The following NAALADL2 variants were observed in gnomAD, a reference collection of about 807,000 sequenced individuals.
NAALADL2 encodes the protein N-acetylated alpha-linked acidic dipeptidase like 2, also known as inactive N-acetylated-alpha-linked acidic dipeptidase-like protein 2.
In NAALADL2, 76 loss-of-function variants were observed where a neutral mutation model predicts 87.2. That is an observed-to-expected ratio of 0.87 (90% CI 0.72 to 1.05). The LOEUF is 1.05. NAALADL2 is among the 50% of genes least tolerant of loss of function. The pLI is 0.00. For synonymous variants in NAALADL2, 354 were observed against 331.0 expected (o/e 1.07, Z -0.75); for missense variants, 1,089 against 945.8 (o/e 1.15, Z -1.99).
At chr3:174,621,539 G>A (rs1381341866) in intron 2 of NAALADL2, among the ~76,000 whole-genome samples, 1 of 151,932 alleles carries the variant, frequency 6.6e-6, no homozygotes, top group African/African-American at 2.4e-5. Context: ...TGACCCTTGA[G>A]GTCTATATAT....
At chr3:174,789,827 T>C (rs1717248782) in intron 3 of NAALADL2, among the ~76,000 whole-genome samples, 1 of 152,134 alleles carries the variant, frequency 6.6e-6, no homozygotes, top group Admixed American at 6.5e-5. Flanking sequence ...AAAGAGAGCA[T>C]GTAAGTTGAA....
intron 1 of NAALADL2, among the ~76,000 whole-genome samples, chr3:175,095,141 T>C (rs1440844597): frequency 6.6e-6 from 1 of 152,056 alleles, no homozygotes; most frequent in African/African-American, 2.4e-5. Flanking sequence ...GTTTTTCAAA[T>C]GGGGCATTCT....
At position 175,343,666 on chromosome 3, in the gene NAALADL2, T is replaced by G. The variant is rs867486899; in HGVS notation, c.1090+19341T>G. On this transcript the variant is annotated intron_variant, in intron 5 of 13. Transcript: ENST00000454872. ...TGTGTCTTGATCATGTTTTTTTTTT[T>G]TTTTTTTTTTCCCTTCCCACTGATC... Among the ~76,000 whole-genome samples the G allele has an allele frequency of 3.5e-5, 5 of 144,052 alleles. 1 individual carries two copies. The highest frequency in any genetic ancestry group is 1.4e-4 in the Admixed American group (2 of 14,050). The allele number at this position is 144,052 out of a possible 152,430, so 94.5% of individuals were successfully genotyped here.
chr3:175,315,820 G>A (rs187185838), intron 4 of NAALADL2, among the ~76,000 whole-genome samples: 3 of 152,084 alleles, frequency 2.0e-5, no homozygotes, highest in African/African-American at 4.8e-5. Flanking sequence ...AAATTAAAAT[G>A]TTCTTACTAT....
chr3:175,697,764 TATAC>T lies in NAALADL2; in HGVS notation c.1897-39538_1897-39535del, dbSNP rs1038224768. Among the ~76,000 whole-genome samples the T allele has an allele frequency of 2.6e-3, 376 of 146,824 alleles. 1 individual carries two copies. The highest frequency in any genetic ancestry group is 9.1e-3 in the African/African-American group (364 of 40,128). Reference sequence around the variant, plus strand: ...ACATACACACACATGTAAATGTATGTATACATATATACATATATATGTGTGTGTA... The same window carrying T: ...ACATACACACACATGTAAATGTATGTATATATACATATATATGTGTGTGTA... On this transcript the variant is annotated intron_variant, in intron 11 of 13. Coordinates refer to ENST00000454872, the MANE Select transcript of NAALADL2 (RefSeq NM_207015.3).
chr3:174,852,250 G>A (rs771709806), intron 3 of NAALADL2, among the ~76,000 whole-genome samples: 1 of 152,076 alleles, frequency 6.6e-6, no homozygotes, highest in Non-Finnish European at 1.5e-5. Context: ...AGAAATAAAG[G>A]CATCCGAATT....
chr3:174,674,670 A>T (rs1726878558), intron 2 of NAALADL2, among the ~76,000 whole-genome samples: 1 of 152,034 alleles, frequency 6.6e-6, no homozygotes, highest in Admixed American at 6.6e-5. Context: ...AGAAGAGGCA[A>T]ATTATTGAAG....
At position 175,547,611 on chromosome 3, in the gene NAALADL2, C is replaced by T. The variant is rs185064712; in HGVS notation, c.1654-28430C>T. Among the ~76,000 whole-genome samples, 15 of 151,996 alleles carry T rather than the reference C, an allele frequency of 9.9e-5. No homozygotes were observed. The South Asian group carries it at 1.0e-3, about 11-fold the overall frequency. ...GCACCGCAAAATAAACTATCATCAGCGTGAATAGACAACCTGAAGAATGGG... is the reference window on the plus strand; with the variant it reads ...GCACCGCAAAATAAACTATCATCAGTGTGAATAGACAACCTGAAGAATGGG... On this transcript the variant is annotated intron_variant, in intron 9 of 13. Transcript: ENST00000454872.
At chr3:175,462,329 A>G (rs999078800) in intron 6 of NAALADL2, among the ~76,000 whole-genome samples, 12 of 152,144 alleles carry the variant, frequency 7.9e-5, no homozygotes, top group Admixed American at 3.9e-4. Context: ...ACGTAGATTT[A>G]CTCATAGATA....
intron 11 of NAALADL2, among the ~76,000 whole-genome samples, chr3:175,667,567 G>T (rs1448640963): frequency 2.6e-5 from 4 of 152,064 alleles, no homozygotes; most frequent in African/African-American, 9.7e-5. Flanking sequence ...CTGGCCAAGA[G>T]AGAAGAGACC....
In NAALADL2 at chr3:174,456,489, C is replaced by G. The variant is rs113951975; in HGVS notation, c.-184+15457C>G. 5.3e-3 allele frequency among the ~76,000 whole-genome samples: 793 copies of G among 148,670 alleles called. 7 individuals carry two copies. Among genetic ancestry groups the G allele is most frequent in the East Asian group, 0.041 (203 of 4,996 alleles). On this transcript the variant is annotated intron_variant, in intron 1 of 3. Coordinates refer to the NAALADL2 transcript ENST00000434257. ...AACTATACCACAGGACAACAGTAAC[C>G]AAAACAGCATGGCACTGGTACAAAC...
chr3:175,090,521 G>A (rs1719896619), intron 1 of NAALADL2, among the ~76,000 whole-genome samples: 1 of 151,526 alleles, frequency 6.6e-6, no homozygotes, highest in Non-Finnish European at 1.5e-5. Flanking sequence ...GCATATGCAA[G>A]TGATCTAAAA....
At chr3:175,337,277 GA>G (rs1762085635) in intron 5 of NAALADL2, among the ~76,000 whole-genome samples, 1 of 151,450 alleles carries the variant, frequency 6.6e-6, no homozygotes, top group African/African-American at 2.4e-5. Context: ...TTTAGAGTCA[GA>G]CTAAGATTTC....
At chr3:175,150,895 T>G (rs1731448239) in intron 2 of NAALADL2, among the ~76,000 whole-genome samples, 1 of 152,212 alleles carries the variant, frequency 6.6e-6, no homozygotes, top group Non-Finnish European at 1.5e-5. Context: ...GGATTAGTCA[T>G]AGGACTTATG....
intron 9 of NAALADL2, among the ~76,000 whole-genome samples, chr3:175,563,641 TA>T (rs1716642655): frequency 6.6e-6 from 1 of 152,140 alleles, no homozygotes; most frequent in African/African-American, 2.4e-5. Flanking sequence ...CTGATCAATA[TA>T]GGGGCAATAG....
intron 3 of NAALADL2, among the ~76,000 whole-genome samples, chr3:174,806,611 C>T (rs1668241585): frequency 6.6e-6 from 1 of 152,112 alleles, no homozygotes; most frequent in South Asian, 2.1e-4. Flanking sequence ...TTACAGACAG[C>T]AAAACAGAGA....
intron 6 of NAALADL2, among the ~76,000 whole-genome samples, chr3:175,455,188 C>T (rs1282438517): frequency 2.6e-5 from 4 of 152,044 alleles, no homozygotes; most frequent in African/African-American, 7.2e-5. Context: ...CAGTCTTTCC[C>T]TTAACCCAAC....
intron 11 of NAALADL2, chr3:175,655,490 C>T (rs1582791397): frequency 2.6e-6 from 1 of 388,352 alleles, no homozygotes; most frequent in African/African-American, 2.1e-5. Context: ...GTGAAGAACA[C>T]ACATGCTTTC....
At chr3:174,887,280 A>AG (rs1175591733) in intron 1 of NAALADL2, among the ~76,000 whole-genome samples, 1 of 144,546 alleles carries the variant, frequency 6.9e-6, no homozygotes, top group African/African-American at 2.7e-5. Flanking sequence ...AACCTTATCA[A>AG]TGTCATTATC....
Sources: gnomAD v4.1 joint callset for allele counts (sites outside exome capture counted in the v4.1 genomes callset) on GRCh38, gnomAD v4.1.1 for gene constraint, MANE v1.5 for transcripts, NCBI Gene and HGNC (gene_info 2026-07-23, HGNC 2026-07-21) for gene names.